Variants in TRIP11 observed in about 807,000 individuals in gnomAD.
TRIP11 encodes the protein thyroid hormone receptor interactor 11.
A neutral mutation model predicts 223.1 loss-of-function variants in TRIP11; 148 were observed. The ratio of observed to expected loss-of-function variants is 0.66; its 90% CI spans 0.58 to 0.76. TRIP11 has a LOEUF of 0.76. Among genes scored for constraint, TRIP11 ranks in the 30% least tolerant of loss-of-function variants. TRIP11 has a pLI of 0.00. For missense variants in TRIP11, 2,043 were observed against 2,222.0 expected (o/e 0.92, Z 1.62); for synonymous variants, 762 against 772.6 (o/e 0.99, Z 0.23).
chr14:91,984,252 T>C (rs146905967), intron 16 of TRIP11, among the ~76,000 whole-genome samples: 238 of 152,236 alleles, frequency 1.6e-3, no homozygotes, highest in African/African-American at 5.2e-3. Context: ...TTCTGAATCA[T>C]AGTTATCAAA....
At chr14:91,994,329 C>T (rs1480865725) in intron 14 of TRIP11, among the ~76,000 whole-genome samples, 3 of 147,172 alleles carry the variant, frequency 2.0e-5, no homozygotes, top group African/African-American at 5.1e-5. Flanking sequence ...GGTGTCATCT[C>T]GGCTCACTCA....
intron 11 of TRIP11, among the ~76,000 whole-genome samples, chr14:92,002,911 C>T (rs150396203): frequency 3.0e-4 from 46 of 152,106 alleles, no homozygotes; most frequent in African/African-American, 9.9e-4. Flanking sequence ...GAGTATCACA[C>T]GTAATAAGAG....
rs865829831 is a variant in TRIP11, at chr14:92,020,662, T to A, written c.588+894A>T. 2.1e-3 allele frequency among the ~76,000 whole-genome samples: 295 copies of A among 138,300 alleles called. 3 individuals carry two copies. The highest frequency in any genetic ancestry group is 7.0e-3 in the African/African-American group (265 of 37,886). The allele number at this position is 138,300 out of a possible 152,430, so 90.7% of individuals were successfully genotyped here. Reference sequence around the variant, plus strand: ...CAATTTTTTTCCTCTCATGTTTTATTAAAAAAAAAAAAAAGGATCTGTTGC... The same window carrying A: ...CAATTTTTTTCCTCTCATGTTTTATAAAAAAAAAAAAAAAGGATCTGTTGC... On this transcript the variant is annotated intron_variant, in intron 4 of 20. Transcript: ENST00000267622.
At chr14:92,025,666 CAGG>C (rs1171793978) in intron 2 of TRIP11, among the ~76,000 whole-genome samples, 2 of 152,046 alleles carry the variant, frequency 1.3e-5, no homozygotes, top group African/African-American at 4.8e-5. Context: ...ATCATGAGGT[CAGG>C]AGATCGAGAC....
rs1366033521 is a variant in TRIP11 at position 92,037,660 on chromosome 14, G to A, written c.139+1887C>T. On this transcript the variant is annotated intron_variant, in intron 1 of 20. Transcript: ENST00000267622. This position sits in a 1 kb window ranked among gnomAD's most constrained non-coding sequence, Gnocchi z 4.2. Reference sequence around the variant, plus strand: ...AGGCCAAGGCAGGAGGATCACCTGCGGTCTCAGGAGTTCGAGATCAGCCTG... The same window carrying A: ...AGGCCAAGGCAGGAGGATCACCTGCAGTCTCAGGAGTTCGAGATCAGCCTG... Among the ~76,000 whole-genome samples, 2 of 152,094 alleles carry A rather than the reference G, an allele frequency of 1.3e-5. No individual in the cohort carries two copies. The highest frequency in any genetic ancestry group is 4.8e-5 in the African/African-American group (2 of 41,406).
At chr14:92,010,636 C>T (rs903079439) in intron 9 of TRIP11, among the ~76,000 whole-genome samples, 2 of 152,092 alleles carry the variant, frequency 1.3e-5, no homozygotes, top group African/African-American at 4.8e-5. Context: ...CTGAAGCACA[C>T]AAGCAGCATA....
rs770881035 is a variant in TRIP11 at position 92,014,377 on chromosome 14, C to T, written c.1024G>A (p.Glu342Lys). ...CATTCTTCCATTATTTGTCTCTTTT[C>T]CACATTTAGCTGTTCTTGTTCTCTC... ...LRREQEQLNVEKRQIMEECEN... is the reference protein window; with the variant it reads ...LRREQEQLNVKKRQIMEECEN... Residue 342 changes from glutamate (E) to lysine (K), a missense_variant, in exon 7 of 21, where the codon GAA becomes AAA. Physicochemically the swap from Glu to Lys is moderately conservative, Grantham distance 56 (BLOSUM62 1). Transcript: ENST00000267622. The T allele has an allele frequency of 6.2e-7, 1 of 1,613,792 alleles. No homozygotes were observed. Among genetic ancestry groups the T allele is most frequent in the Non-Finnish European group, 8.5e-7 (1 of 1,179,964 alleles).
chr14:92,021,989 C>T (rs1445190945), intron 3 of TRIP11, among the ~76,000 whole-genome samples, 158 bp from the exon 4 acceptor site: 4 of 152,188 alleles, frequency 2.6e-5, no homozygotes, highest in African/African-American at 9.7e-5. Flanking sequence ...AACATTCTAA[C>T]CATAACATTT....
At chr14:92,007,970 T>C in intron 9 of TRIP11, 118 bp from the exon 10 acceptor site, 1 of 721,144 alleles carries the variant, frequency 1.4e-6, no homozygotes, top group Admixed American at 2.5e-5. Flanking sequence ...TTGGAAATAA[T>C]ATTGAACAAT....
chr14:91,993,904 C>G lies in TRIP11; in HGVS notation c.5065G>C (p.Ala1689Pro). 9 of 1,612,248 alleles carry G rather than the reference C, an allele frequency of 5.6e-6. No individual in the cohort carries two copies. The highest frequency in any genetic ancestry group is 7.6e-6 in the Non-Finnish European group (9 of 1,179,080). Residue 1689 changes from alanine to proline, a missense_variant, in exon 15 of 21, where the codon GCT (alanine) becomes CCT (proline). Coordinates refer to ENST00000267622, the MANE Select transcript of TRIP11 (RefSeq NM_004239.4). ...VLEHFQQEEK[A>P]MYSAELEKQK... ...TTTTCGAGTTCAGCAGAATACATAG[C>G]TTTTTCCTCTAAAGAGAAAAGAAAG...
chr14:92,002,679 T>C (rs1474982591), intron 11 of TRIP11, among the ~76,000 whole-genome samples: 3 of 151,662 alleles, frequency 2.0e-5, no homozygotes, highest in Non-Finnish European at 4.4e-5. Context: ...TGGGTTCAAA[T>C]GATTCTCCTG....
chr14:92,028,963 G>T (rs1263945520), intron 2 of TRIP11, among the ~76,000 whole-genome samples: 1 of 152,022 alleles, frequency 6.6e-6, no homozygotes, highest in Non-Finnish European at 1.5e-5. Flanking sequence ...TTCTTTCTGA[G>T]GGGTCTACCA....
rs899545927 is a variant in TRIP11 at position 92,000,168 on chromosome 14, G to C, written c.4558-60C>G. The stretch of plus-strand genomic sequence containing the variant: ...ACACACACACACATATTTTAAAAGA[G>C]ACATTTTCTTCACTCAATTATTAAT... On this transcript the variant is annotated intron_variant, in intron 11 of 20. Transcript: ENST00000267622. 27 of 1,604,790 alleles carry C rather than the reference G, an allele frequency of 1.7e-5. 2 individuals are homozygous for C. The Middle Eastern group carries it at 9.9e-4, about 59-fold the overall frequency.
chr14:91,980,676 A>G (rs779377032), intron 16 of TRIP11, among the ~76,000 whole-genome samples: 5 of 152,056 alleles, frequency 3.3e-5, no homozygotes, highest in Admixed American at 6.6e-5. Flanking sequence ...ATATTTTGTG[A>G]GGTTTTCCCC....
In TRIP11 at chr14:91,995,500, C is replaced by A. The variant is rs1171749537; in HGVS notation, c.4908G>T (p.Val1636=). The A allele has an allele frequency of 1.9e-6, 3 of 1,614,138 alleles. No individual in the cohort carries two copies. The highest frequency in any genetic ancestry group is 2.5e-6 in the Non-Finnish European group (3 of 1,180,002). ...ACTGTTCTTGCAATGACTCTACCTG[C>A]ACACTGGCTTGATGGCTTCAAACAA... ...AMENASHQAS[V]QVESLQEQLN... is the part of the protein sequence containing the mutation. Residue 1636 remains valine, a synonymous_variant, in exon 14 of 21, where the codon GTG becomes GTT. Coordinates refer to ENST00000267622, the MANE Select transcript of TRIP11 (RefSeq NM_004239.4).
intron 2 of TRIP11, among the ~76,000 whole-genome samples, chr14:92,031,571 T>C (rs2057265811): frequency 6.6e-6 from 1 of 152,060 alleles, no homozygotes; most frequent in Non-Finnish European, 1.5e-5. Flanking sequence ...AGCAAGACCA[T>C]GTCTCAAAGC....
rs758380393 is a variant in TRIP11, at chr14:92,011,148, T to C, written c.1228-76A>G. On this transcript the variant is annotated intron_variant, in intron 8 of 20. Coordinates refer to ENST00000267622, the MANE Select transcript of TRIP11 (RefSeq NM_004239.4). ...ATAAAAAAGCTGGCAATCTATACAA[T>C]TGTGTGTTTCTATTCAGTATTTCTT... 13 of 1,288,638 alleles carry C rather than the reference T, an allele frequency of 1.0e-5. No individual in the cohort carries two copies. In the South Asian group the frequency reaches 1.1e-4, roughly 11 times the overall value. The allele number at this position is 1,288,638 out of a possible 1,614,324, so 79.8% of individuals were successfully genotyped here.
intron 2 of TRIP11, chr14:92,026,674 G>A (rs1182938047): frequency 5.7e-6 from 6 of 1,055,780 alleles, no homozygotes; most frequent in East Asian, 2.4e-5. Flanking sequence ...CCCTGCTGAC[G>A]AGGAAAATGG....
chr14:91,994,789 A>G (rs188121788), intron 14 of TRIP11, among the ~76,000 whole-genome samples: 1 of 152,220 alleles, frequency 6.6e-6, no homozygotes, highest in Admixed American at 6.5e-5. Flanking sequence ...GTGAAAAGGT[A>G]TATTTGTTTC....
Sources: allele counts gnomAD v4.1 joint callset (sites outside exome capture counted in the v4.1 genomes callset), GRCh38; gene constraint gnomAD v4.1.1; non-coding constraint Gnocchi (gnomAD v3.1); transcripts MANE v1.5; gene names NCBI Gene and HGNC (gene_info 2026-07-23, HGNC 2026-07-21).